Variants in GPM6A observed in about 807,000 individuals in gnomAD.
GPM6A encodes the protein neuronal membrane glycoprotein M6-a.
A neutral mutation model predicts 32.1 loss-of-function variants in GPM6A; 7 were observed. The observed-to-expected ratio is 0.22, with a 90% CI of 0.12 to 0.41. The LOEUF is 0.41. Ranked by LOEUF, GPM6A falls within the 10% of genes least tolerant of loss-of-function variation. The pLI is 1.00. For synonymous variants in GPM6A, 130 were observed against 123.4 expected (o/e 1.05, Z -0.35); for missense variants, 235 against 347.2 (o/e 0.68, Z 2.57).
intron 1 of GPM6A, among the ~76,000 whole-genome samples, chr4:175,843,809 T>C (rs1451648254): frequency 6.6e-6 from 1 of 152,192 alleles, no homozygotes. Context: ...GATACAGTCA[T>C]GACTAATGAC....
intron 1 of GPM6A, among the ~76,000 whole-genome samples, chr4:175,999,250 C>A (rs1741402964): frequency 6.6e-6 from 1 of 152,148 alleles, no homozygotes; most frequent in Non-Finnish European, 1.5e-5. Context: ...TAAAAATATT[C>A]CTGACCTATC....
chr4:175,734,859 A>G (rs945109782), intron 1 of GPM6A, among the ~76,000 whole-genome samples: 5 of 151,854 alleles, frequency 3.3e-5, no homozygotes, highest in Non-Finnish European at 7.4e-5. Context: ...GGCGACAAGA[A>G]AAAAAAATGC....
intron 1 of GPM6A, among the ~76,000 whole-genome samples, chr4:175,993,963 T>A (rs1302489500): frequency 1.3e-5 from 2 of 152,192 alleles, no homozygotes; most frequent in African/African-American, 4.8e-5. Flanking sequence ...ATATATGAAA[T>A]ATTTATTATG....
At chr4:175,737,128 C>T (rs1031563476) in intron 1 of GPM6A, among the ~76,000 whole-genome samples, 5 of 152,156 alleles carry the variant, frequency 3.3e-5, no homozygotes, top group African/African-American at 9.7e-5. Context: ...TTACAGAACA[C>T]GGTGTGAAGT....
chr4:176,000,836 A>T (rs1579700828), intron 1 of GPM6A, among the ~76,000 whole-genome samples: 1 of 152,220 alleles, frequency 6.6e-6, no homozygotes, highest in African/African-American at 2.4e-5. Flanking sequence ...CAAATAAAAA[A>T]AAGAGCCTGA....
intron 1 of GPM6A, among the ~76,000 whole-genome samples, chr4:175,795,626 C>G (rs1179948546): frequency 6.6e-6 from 1 of 152,024 alleles, no homozygotes; most frequent in East Asian, 1.9e-4. Context: ...GTGGGACACA[C>G]CTGTGGTCCC....
intron 1 of GPM6A, among the ~76,000 whole-genome samples, chr4:175,775,864 T>C (rs1245496395): frequency 6.6e-6 from 1 of 152,112 alleles, no homozygotes; most frequent in East Asian, 1.9e-4. Context: ...AAATCCAAGT[T>C]ATAATCTATA....
chr4:176,000,853 C>A (rs1231950294), intron 1 of GPM6A, among the ~76,000 whole-genome samples: 1 of 152,182 alleles, frequency 6.6e-6, no homozygotes, highest in Non-Finnish European at 1.5e-5. Context: ...CTGAAATACT[C>A]TCTGCCACAC....
At chr4:175,806,996 A>AAGC (rs936895023) in intron 1 of GPM6A, 1 of 152,202 alleles carries the variant, frequency 6.6e-6, no homozygotes, top group African/African-American at 2.4e-5. Context: ...AACAGCTAAG[A>AAGC]AGCAAATTAT....
At chr4:175,789,741 C>CT (rs1395101886) in intron 1 of GPM6A, among the ~76,000 whole-genome samples, 1 of 152,180 alleles carries the variant, frequency 6.6e-6, no homozygotes, top group Non-Finnish European at 1.5e-5. Flanking sequence ...AACCAACTCT[C>CT]TATTTCTCTC....
chr4:175,711,848 A>G (rs1019696178), intron 1 of GPM6A, among the ~76,000 whole-genome samples: 1 of 152,102 alleles, frequency 6.6e-6, no homozygotes, highest in Non-Finnish European at 1.5e-5. Flanking sequence ...CTTTTCGCTC[A>G]ATGAATTCCA....
At chr4:175,709,887 A>G (rs925920871) in intron 1 of GPM6A, among the ~76,000 whole-genome samples, 1 of 152,096 alleles carries the variant, frequency 6.6e-6, no homozygotes, top group East Asian at 1.9e-4. Context: ...GAACACTGCT[A>G]GTCATGATAT....
At chr4:175,666,219 C>T (rs1742746363) in intron 3 of GPM6A, among the ~76,000 whole-genome samples, 1 of 152,092 alleles carries the variant, frequency 6.6e-6, no homozygotes, top group Non-Finnish European at 1.5e-5. Context: ...TGTGCCCGGA[C>T]TGAGAAATGT....
chr4:175,924,121 C>T (rs1560995840), intron 1 of GPM6A, among the ~76,000 whole-genome samples: 1 of 152,116 alleles, frequency 6.6e-6, no homozygotes, highest in African/African-American at 2.4e-5. Flanking sequence ...GTTTCTGACA[C>T]GACCATATTA....
chr4:175,936,483 G>A (rs1019344369), intron 1 of GPM6A, among the ~76,000 whole-genome samples: 1 of 151,994 alleles, frequency 6.6e-6, no homozygotes, highest in Non-Finnish European at 1.5e-5. Context: ...TACCCAGAGA[G>A]CAGTTGGGAT....
intron 1 of GPM6A, among the ~76,000 whole-genome samples, chr4:175,834,896 A>G (rs1475802746): frequency 1.3e-5 from 2 of 152,198 alleles, no homozygotes; most frequent in Non-Finnish European, 2.9e-5. Context: ...CATCCCTGGT[A>G]TTTACACTGA....
chr4:175,766,899 C>A (rs567508365), intron 1 of GPM6A, among the ~76,000 whole-genome samples: 14 of 152,052 alleles, frequency 9.2e-5, no homozygotes, highest in Admixed American at 2.6e-4. Flanking sequence ...AGATGATCTG[C>A]CTGCCTCGGC....
At chr4:175,760,057 G>T (rs1390637058) in intron 1 of GPM6A, among the ~76,000 whole-genome samples, 1 of 152,076 alleles carries the variant, frequency 6.6e-6, no homozygotes, top group African/African-American at 2.4e-5. Flanking sequence ...GTGCATGCCT[G>T]TAATCACGGC....
At chr4:175,917,227 T>C (rs1738521268) in intron 1 of GPM6A, among the ~76,000 whole-genome samples, 1 of 152,022 alleles carries the variant, frequency 6.6e-6, no homozygotes, top group African/African-American at 2.4e-5. Context: ...AGGCAGCTTC[T>C]TACCCTCCTC....
Sources: gnomAD v4.1 joint callset for allele counts (sites outside exome capture counted in the v4.1 genomes callset) on GRCh38, gnomAD v4.1.1 for gene constraint, MANE v1.5 for transcripts, NCBI Gene and HGNC (gene_info 2026-07-23, HGNC 2026-07-21) for gene names.